GAN: variants seen among roughly 807,000 people sequenced by gnomAD.
The protein encoded by GAN is epididymis secretory sperm binding protein.
GAN carries 48 observed loss-of-function variants against 71.3 expected under a neutral mutation model. That is an observed-to-expected ratio of 0.67 (90% CI 0.53 to 0.86). GAN has a LOEUF of 0.86. Ranked by LOEUF, GAN falls within the 40% of genes least tolerant of loss-of-function variation. GAN has a pLI of 0.00. For missense variants in GAN, 928 were observed against 770.1 expected (o/e 1.21, Z -2.43); for synonymous variants, 386 against 276.8 (o/e 1.39, Z -3.92).
chr16:81,315,921 G>A (rs903696646), intron 1 of GAN, among the ~76,000 whole-genome samples: 1 of 152,262 alleles, frequency 6.6e-6, no homozygotes, highest in African/African-American at 2.4e-5. Context: ...TGTCTTTTCC[G>A]CTCCATTCTG....
chr16:81,347,092 C>G (rs961095292), intron 1 of GAN, among the ~76,000 whole-genome samples: 1 of 152,172 alleles, frequency 6.6e-6, no homozygotes, highest in Non-Finnish European at 1.5e-5. Context: ...TGATGCATTT[C>G]AAAGCCAGAT....
At chr16:81,317,937 CTTTAAG>C (rs1909100477) in intron 1 of GAN, among the ~76,000 whole-genome samples, 1 of 151,844 alleles carries the variant, frequency 6.6e-6, no homozygotes, top group Admixed American at 6.6e-5. Context: ...AGATGAATTG[CTTTAAG>C]TTTATTTGGC....
chr16:81,376,051 A>C (rs1470083105), intron 9 of GAN, among the ~76,000 whole-genome samples: 1 of 152,104 alleles, frequency 6.6e-6, no homozygotes, highest in Non-Finnish European at 1.5e-5. Context: ...TCTTCAGGGA[A>C]GTATACGCCA....
intron 1 of GAN, among the ~76,000 whole-genome samples, chr16:81,327,386 T>C (rs565910423): frequency 6.6e-6 from 1 of 152,328 alleles, no homozygotes; most frequent in East Asian, 1.9e-4. Context: ...AGCTGCCTCT[T>C]ATTTATTAAA....
intron 1 of GAN, among the ~76,000 whole-genome samples, chr16:81,323,207 C>T (rs543180400): frequency 1.3e-5 from 2 of 152,256 alleles, no homozygotes; most frequent in Middle Eastern, 3.4e-3. Flanking sequence ...AGACTTCTCT[C>T]GGGGTTTTTG....
At chr16:81,328,170 TAC>T (rs998541575) in intron 1 of GAN, among the ~76,000 whole-genome samples, 21 of 152,262 alleles carry the variant, frequency 1.4e-4, no homozygotes, top group African/African-American at 4.1e-4. Context: ...AAAAAATCTA[TAC>T]ACACAAAAAA....
chr16:81,363,696 C>T, intron 6 of GAN, 98 bp from the exon 7 acceptor site: 1 of 1,276,672 alleles, frequency 7.8e-7, no homozygotes, highest in Non-Finnish European at 1.1e-6. Context: ...CTATTTTTGC[C>T]ATCTTTATGT....
chr16:81,377,243 T>G lies in GAN; in HGVS notation c.1527T>G (p.Asn509Lys). The change falls in exon 10 of 11, where the codon AAT becomes AAG. Residue 509 changes from asparagine (N) to lysine (K), a missense_variant. Transcript: ENST00000648994. ...FKRWIYLNDQ[N>K]LCIPASSSFV... is the part of the protein sequence containing the mutation. Reference sequence around the variant, plus strand: ...GGTGGATCTATCTTAACGACCAGAATTTATGCATCCCCGCCAGTTCCTCTT... The same window carrying G: ...GGTGGATCTATCTTAACGACCAGAAGTTATGCATCCCCGCCAGTTCCTCTT... The G allele has an allele frequency of 2.5e-6, 4 of 1,610,350 alleles. No individual in the cohort carries two copies.
chr16:81,355,216 G>A (rs1288986134), intron 3 of GAN, among the ~76,000 whole-genome samples: 1 of 152,176 alleles, frequency 6.6e-6, no homozygotes, highest in Non-Finnish European at 1.5e-5. Context: ...TTGACACCAC[G>A]CAGGAGAAAG....
chr16:81,335,478 G>A lies in GAN; in HGVS notation c.168-16105G>A, dbSNP rs1056195911. On this transcript the variant is annotated intron_variant, in intron 1 of 10. Coordinates refer to ENST00000648994, the MANE Select transcript of GAN (RefSeq NM_022041.4). ...CTAAAAATACATGGCCGGGCATGGT[G>A]GCTCATGCCTGTAATCCCAACACTT... Among the ~76,000 whole-genome samples, 6 of 152,032 alleles carry A rather than the reference G, an allele frequency of 3.9e-5. No individual in the cohort carries two copies. The South Asian group carries it at 6.2e-4, about 16-fold the overall frequency.
chr16:81,365,334 G>T lies in GAN; in HGVS notation c.1374-16G>T, dbSNP rs369724483. ...TGTACAGCTTGTGCCTGATAACGCT[G>T]TGTGTGGCCTTTCAGGTTTGGAGCG... On this transcript the variant is annotated splice_polypyrimidine_tract_variant and intron_variant, in intron 8 of 10. Transcript: ENST00000648994. The T allele has an allele frequency of 6.2e-7, 1 of 1,613,882 alleles. No individual in the cohort carries two copies. The highest frequency in any genetic ancestry group is 1.3e-5 in the African/African-American group (1 of 74,864).
chr16:81,321,516 G>C (rs1174372863), intron 1 of GAN, among the ~76,000 whole-genome samples: 1 of 152,110 alleles, frequency 6.6e-6, no homozygotes, highest in East Asian at 1.9e-4. Context: ...GGTTCCTTAG[G>C]ATTTATATTT....
chr16:81,387,206 C>G lies in GAN; in HGVS notation c.*9610C>G, dbSNP rs1420622262. 2 of 152,132 alleles carry G rather than the reference C, an allele frequency of 1.3e-5. No individual in the cohort carries two copies. Among genetic ancestry groups the G allele is most frequent in the African/African-American group, 2.4e-5 (1 of 41,424 alleles). 9.4% of individuals were successfully genotyped at this position (152,132 alleles called of 1,614,324 possible). The stretch of plus-strand genomic sequence containing the variant: ...ATAGTGTAATGGCTAAATGTAAAGT[C>G]TTACGTCTCGGTTCAAGAAAGCACG... On this transcript the variant is annotated 3_prime_UTR_variant, in exon 11 of 11. Transcript: ENST00000648994.
intron 1 of GAN, among the ~76,000 whole-genome samples, chr16:81,323,907 T>C (rs1005339569): frequency 1.3e-5 from 2 of 152,170 alleles, no homozygotes; most frequent in African/African-American, 4.8e-5. Flanking sequence ...GAGACCTATG[T>C]CAGTCTATTT....
At chr16:81,352,733 C>T (rs1410958218) in intron 2 of GAN, among the ~76,000 whole-genome samples, 1 of 152,154 alleles carries the variant, frequency 6.6e-6, no homozygotes, top group Non-Finnish European at 1.5e-5. Context: ...CTTCTCTCAG[C>T]ACTAGTGGGT....
intron 1 of GAN, among the ~76,000 whole-genome samples, chr16:81,315,819 G>C (rs1251225601): frequency 6.6e-6 from 1 of 152,266 alleles, no homozygotes; most frequent in African/African-American, 2.4e-5. Flanking sequence ...CAGACAGACA[G>C]CGCCTCGCTG....
chr16:81,343,400 A>T (rs1352667879), intron 1 of GAN, among the ~76,000 whole-genome samples: 1 of 152,238 alleles, frequency 6.6e-6, no homozygotes, highest in African/African-American at 2.4e-5. Context: ...CCAGCAGCAC[A>T]TCAGAAAGCT....
At chr16:81,365,280 A>C (rs1910814732) in intron 8 of GAN, 70 bp from the exon 9 acceptor site, 2 of 1,603,676 alleles carry the variant, frequency 1.2e-6, no homozygotes, top group East Asian at 4.5e-5. Flanking sequence ...AAACCAGCAT[A>C]AGAGGAACGC....
At position 81,378,339 on chromosome 16, in the gene GAN, T is replaced by TG. The variant is rs1223864353; in HGVS notation, c.*747dup. 6.5e-6 allele frequency: 1 copy of TG among 152,768 alleles called. No homozygotes were observed. Among genetic ancestry groups the TG allele is most frequent in the Non-Finnish European group, 1.5e-5 (1 of 68,476 alleles). 9.5% of individuals were successfully genotyped at this position (152,768 alleles called of 1,614,324 possible). On this transcript the variant is annotated 3_prime_UTR_variant, in exon 11 of 11. Transcript: ENST00000648994. ...ATCAAGACACGTCACGCATCCTTTC[T>TG]GGGGTAGTACCTGTGGAGCCGGGAA...
Sources: gnomAD v4.1 joint callset for allele counts (sites outside exome capture counted in the v4.1 genomes callset) on GRCh38, gnomAD v4.1.1 for gene constraint, MANE v1.5 for transcripts, NCBI Gene and HGNC (gene_info 2026-07-23, HGNC 2026-07-21) for gene names.